The following CAST variants were observed in gnomAD, a reference collection of about 807,000 sequenced individuals.
The protein encoded by CAST is calpastatin, also known as MIR583 host.
Under a neutral mutation model 119.6 loss-of-function variants are expected in CAST, and 76 were observed. That is an observed-to-expected ratio of 0.64 (90% CI 0.53 to 0.77). The LOEUF is 0.77. CAST is among the 30% of genes least tolerant of loss of function. CAST has a pLI of 0.00. For missense variants in CAST, 953 were observed against 946.5 expected (o/e 1.01, Z -0.09); for synonymous variants, 319 against 331.6 (o/e 0.96, Z 0.41).
At chr5:96,708,332 G>T (rs754992876) in intron 3 of CAST, among the ~76,000 whole-genome samples, 5 of 152,134 alleles carry the variant, frequency 3.3e-5, no homozygotes, top group Non-Finnish European at 5.9e-5. Flanking sequence ...GCTGCATTGT[G>T]ATTAATGGCC....
chr5:96,681,176 G>A (rs1751374626), intron 2 of CAST, among the ~76,000 whole-genome samples: 1 of 152,082 alleles, frequency 6.6e-6, no homozygotes. Context: ...CAGGGAGGGA[G>A]CACAATGATG....
At chr5:96,351,986 C>T in the CAST span, among the ~76,000 whole-genome samples, 3 of 152,068 alleles carry the variant, frequency 2.0e-5, no homozygotes, top group South Asian at 2.1e-4. Flanking sequence ...TTTGTGACTC[C>T]TTGTCTGGAA....
At chr5:96,328,041 A>G in the CAST span, among the ~76,000 whole-genome samples, 2 of 152,210 alleles carry the variant, frequency 1.3e-5, no homozygotes, top group Non-Finnish European at 2.9e-5. Flanking sequence ...TGGTTCTGAA[A>G]TGAGGACACA....
the CAST span, among the ~76,000 whole-genome samples, chr5:96,045,355 A>G: frequency 1.3e-5 from 2 of 150,054 alleles, no homozygotes; most frequent in Non-Finnish European, 3.0e-5. Flanking sequence ...CTCTGTCTCA[A>G]GAAAAAAAAA....
At chr5:96,089,787 C>T in the CAST span, among the ~76,000 whole-genome samples, 1 of 152,146 alleles carries the variant, frequency 6.6e-6, no homozygotes, top group Non-Finnish European at 1.5e-5. Flanking sequence ...TTTTATAAAG[C>T]TTAAAATGTT....
chr5:96,393,240 A>C, the CAST span: 2 of 1,613,946 alleles, frequency 1.2e-6, no homozygotes, highest in Non-Finnish European at 1.7e-6. Context: ...TTTTTACTGA[A>C]AGCACTTTGC....
intron 6 of CAST, among the ~76,000 whole-genome samples, 174 bp downstream of exon 6, chr5:96,727,704 TAA>T (rs976818093): frequency 6.6e-6 from 1 of 152,116 alleles, no homozygotes; most frequent in African/African-American, 2.4e-5. Flanking sequence ...AATATAACAT[TAA>T]GTCCGTATAT....
At chr5:96,083,645 T>C in the CAST span, among the ~76,000 whole-genome samples, 1 of 152,226 alleles carries the variant, frequency 6.6e-6, no homozygotes, top group Non-Finnish European at 1.5e-5. Context: ...TGGAAACTAC[T>C]GTAGAATTGT....
the CAST span, among the ~76,000 whole-genome samples, chr5:96,502,343 G>T: frequency 6.6e-6 from 1 of 152,118 alleles, no homozygotes. Context: ...TTTGAACTAG[G>T]TTGTAAGCTG....
At chr5:96,681,908 C>T (rs1751477045) in intron 2 of CAST, among the ~76,000 whole-genome samples, 1 of 152,032 alleles carries the variant, frequency 6.6e-6, no homozygotes, top group Non-Finnish European at 1.5e-5. Context: ...TCTTTATCAG[C>T]TGTTTCGCTT....
At chr5:96,195,270 T>C in the CAST span, among the ~76,000 whole-genome samples, 3 of 152,210 alleles carry the variant, frequency 2.0e-5, no homozygotes, top group East Asian at 5.8e-4. Context: ...ATGGAGTGAG[T>C]TGGAGGTTGG....
chr5:96,771,252 C>T (rs1164467281), intron 30 of CAST, among the ~76,000 whole-genome samples: 1 of 152,068 alleles, frequency 6.6e-6, no homozygotes, highest in Non-Finnish European at 1.5e-5. Context: ...TTAATCAGCC[C>T]TTTAACAAAT....
At chr5:96,091,206 CTT>C in the CAST span, among the ~76,000 whole-genome samples, 21 of 143,248 alleles carry the variant, frequency 1.5e-4, no homozygotes, top group East Asian at 4.0e-4. Context: ...GAATCTCTCT[CTT>C]TTTTTTTTTT....
chr5:96,612,884 T>C (rs1298776561), intron 1 of CAST, among the ~76,000 whole-genome samples: 1 of 152,222 alleles, frequency 6.6e-6, no homozygotes, highest in Non-Finnish European at 1.5e-5. Context: ...CATACACACA[T>C]ATATACATGT....
At chr5:96,138,381 A>G in the CAST span, among the ~76,000 whole-genome samples, 1 of 152,010 alleles carries the variant, frequency 6.6e-6, no homozygotes, top group Admixed American at 6.6e-5. Flanking sequence ...CTTGATCTCT[A>G]TAGCTTTATA....
At chr5:96,505,901 G>A in the CAST span, among the ~76,000 whole-genome samples, 1 of 152,186 alleles carries the variant, frequency 6.6e-6, no homozygotes, top group Non-Finnish European at 1.5e-5. Context: ...GGATTTCCCT[G>A]ACCTTGGAGT....
chr5:96,335,641 T>A, the CAST span, among the ~76,000 whole-genome samples: 3 of 152,170 alleles, frequency 2.0e-5, no homozygotes, highest in Non-Finnish European at 4.4e-5. Context: ...AATCTCCATC[T>A]CCAATTTCTC....
chr5:96,499,584 T>G, the CAST span, among the ~76,000 whole-genome samples: 1 of 152,222 alleles, frequency 6.6e-6, no homozygotes, highest in Non-Finnish European at 1.5e-5. Flanking sequence ...GCTGTGGCAA[T>G]TTTTAAAAAT....
intron 1 of CAST, among the ~76,000 whole-genome samples, chr5:96,567,699 T>C (rs138819297): frequency 5.5e-4 from 84 of 152,334 alleles, no homozygotes; most frequent in African/African-American, 1.9e-3. Context: ...CATGTATAGA[T>C]GCCCATAGTA....
Sources: allele counts gnomAD v4.1 joint callset (sites outside exome capture counted in the v4.1 genomes callset), GRCh38; gene constraint gnomAD v4.1.1; transcripts MANE v1.5; gene names NCBI Gene and HGNC (gene_info 2026-07-23, HGNC 2026-07-21).